The following CRMP1 variants were observed in gnomAD, a reference collection of about 807,000 sequenced individuals.
The protein encoded by CRMP1 is collapsin response mediator protein 1.
CRMP1 carries 19 observed loss-of-function variants against 68.3 expected under a neutral mutation model. The observed-to-expected ratio is 0.28, with a 90% CI of 0.19 to 0.41. CRMP1 has a LOEUF of 0.41. Ranked by LOEUF, CRMP1 falls within the 10% of genes least tolerant of loss-of-function variation. The pLI is 1.00. For synonymous variants in CRMP1, 439 were observed against 399.6 expected (o/e 1.10, Z -1.18); for missense variants, 791 against 967.4 (o/e 0.82, Z 2.42).
In CRMP1 at chr4:5,877,685, CCT is replaced by C. The variant is rs1451583706; in HGVS notation, c.382-10931_382-10930del. ...GGGTAGGGGACAGGGCGGCTTTCCC[CCT>C]TTCATGAATGGGAGATACAGGTAGT... is the stretch of plus-strand genomic sequence containing the variant. On this transcript the variant is annotated intron_variant, in intron 1 of 13. Coordinates refer to ENST00000324989, the MANE Select transcript of CRMP1 (RefSeq NM_001014809.3). This position sits in a 1 kb window ranked among gnomAD's most constrained non-coding sequence, Gnocchi z 4.3. 6.6e-6 allele frequency among the ~76,000 whole-genome samples: 1 copy of C among 152,178 alleles called. No individual in the cohort carries two copies. Among genetic ancestry groups the C allele is most frequent in the Non-Finnish European group, 1.5e-5 (1 of 68,036 alleles).
At position 5,855,668 on chromosome 4, in the gene CRMP1, C is replaced by G. The variant is rs749437522; in HGVS notation, c.820+475G>C. Among the ~76,000 whole-genome samples the G allele has an allele frequency of 2.1e-4, 32 of 152,126 alleles. No homozygotes were observed. Among genetic ancestry groups the G allele is most frequent in the Non-Finnish European group, 4.4e-4 (30 of 68,020 alleles). On this transcript the variant is annotated intron_variant, in intron 4 of 13. Coordinates refer to ENST00000324989, the MANE Select transcript of CRMP1 (RefSeq NM_001014809.3). The surrounding 1 kb of genome is among the most constrained non-coding windows in gnomAD (Gnocchi z 4.9). ...ATGGAAAAAGTGCCCCAAAGGAGGC[C>G]TAAGTAACCGGCATTGGCTATTCAA...
Position 5,849,443 on chromosome 4 carries a change from G to T in CRMP1, c.912C>A (p.Gly304=). The T allele has an allele frequency of 6.2e-7, 1 of 1,613,808 alleles. No individual in the cohort carries two copies. The change falls in exon 6 of 14, where the codon GGC becomes GGA. Residue 304 remains glycine, a synonymous_variant. Coordinates refer to ENST00000324989, the MANE Select transcript of CRMP1 (RefSeq NM_001014809.3). ...CATGGACCAAGATCACAGCTCCCAG[G>T]CCCTTAAGGAAGGTAAAGGCTTCAT... ...QLYEAFTFLK[G]LGAVILVHAE...
At chr4:5,849,812 T>C (rs1332374312) in intron 5 of CRMP1, among the ~76,000 whole-genome samples, 1 of 152,218 alleles carries the variant, frequency 6.6e-6, no homozygotes, top group African/African-American at 2.4e-5. Context: ...TAGGTGTTAA[T>C]GGCAGCAACT....
chr4:5,874,638 G>T (rs929378167), intron 1 of CRMP1, among the ~76,000 whole-genome samples: 3 of 151,970 alleles, frequency 2.0e-5, no homozygotes, highest in Non-Finnish European at 4.4e-5. Context: ...ACAGACAAGA[G>T]GCAAGGAGAG....
chr4:5,826,097 CAGGTAT>C (rs1433430763), intron 12 of CRMP1: 3 of 234,792 alleles, frequency 1.3e-5, no homozygotes, highest in Admixed American at 1.3e-4. Flanking sequence ...CACACTCATA[CAGGTAT>C]ACACACCCAT....
intron 8 of CRMP1, among the ~76,000 whole-genome samples, chr4:5,840,258 C>T (rs1454770120): frequency 6.6e-6 from 1 of 152,210 alleles, no homozygotes; most frequent in Non-Finnish European, 1.5e-5. Flanking sequence ...TTCTGTCAGC[C>T]CAGTGCCGGA....
At chr4:5,830,725 T>C (rs1720311178) in intron 11 of CRMP1, among the ~76,000 whole-genome samples, 1 of 152,246 alleles carries the variant, frequency 6.6e-6, no homozygotes. Context: ...CACGTTTTAA[T>C]AACTGGGATG....
At chr4:5,839,721 T>C (rs1235594815) in intron 8 of CRMP1, 43 bp from the exon 9 acceptor site, 2 of 1,564,306 alleles carry the variant, frequency 1.3e-6, no homozygotes, top group East Asian at 2.3e-5. Context: ...GCAAATACTC[T>C]CTTGAGGCAG....
chr4:5,836,840 C>T lies in CRMP1; in HGVS notation c.1377G>A (p.Lys459=). ...PYSTAQKAVG[K]DNFTLIPEGV... is the part of the protein sequence containing the mutation. ...CCTCGGGGATCAGGGTAAAGTTGTCCTTGCCCACCGCCTTCTGGGCAGTGC... is the reference window on the plus strand; with the variant it reads ...CCTCGGGGATCAGGGTAAAGTTGTCTTTGCCCACCGCCTTCTGGGCAGTGC... The change falls in exon 10 of 14, where the codon AAG becomes AAA. Residue 459 remains lysine, a synonymous_variant. Transcript: ENST00000324989. 6.2e-7 allele frequency: 1 copy of T among 1,614,196 alleles called. No individual in the cohort carries two copies. The highest frequency in any genetic ancestry group is 8.5e-7 in the Non-Finnish European group (1 of 1,180,032).
rs563215359 is a variant in CRMP1 at position 5,890,624 on chromosome 4, G to A, written c.381+1965C>T. ...TCGGAGCCCCGGGAGCGCCAGAGGC[G>A]CTGCCTTTTGTCCGGTGCCTGAGAA... On this transcript the variant is annotated intron_variant, in intron 1 of 13. Coordinates refer to ENST00000324989, the MANE Select transcript of CRMP1 (RefSeq NM_001014809.3). This position sits in a 1 kb window ranked among gnomAD's most constrained non-coding sequence, Gnocchi z 5.5. Among the ~76,000 whole-genome samples the A allele has an allele frequency of 2.6e-5, 4 of 152,234 alleles. No homozygotes were observed. Among genetic ancestry groups the A allele is most frequent in the African/African-American group, 9.6e-5 (4 of 41,476 alleles).
At position 5,888,149 on chromosome 4, in the gene CRMP1, C is replaced by G; in HGVS notation, c.381+4440G>C. ...TCGGGGGGCGCCCCTGCCGGCGCCCCGTGGATCTGGACCCTGCCGGGCGCC... is the reference window on the plus strand; with the variant it reads ...TCGGGGGGCGCCCCTGCCGGCGCCCGGTGGATCTGGACCCTGCCGGGCGCC... On this transcript the variant is annotated intron_variant, in intron 1 of 13. Transcript: ENST00000324989. The surrounding 1 kb of genome is among the most constrained non-coding windows in gnomAD (Gnocchi z 6.4). 8.2e-7 allele frequency: 1 copy of G among 1,226,300 alleles called. No homozygotes were observed. Among genetic ancestry groups the G allele is most frequent in the Non-Finnish European group, 1.0e-6 (1 of 982,852 alleles). 76.0% of individuals were successfully genotyped at this position (1,226,300 alleles called of 1,614,324 possible). A position where few individuals can be genotyped will look rare whatever the true frequency, so the allele number is the denominator to read the frequency against.
chr4:5,824,202 CCTT>C (rs1421079929), intron 13 of CRMP1: 2 of 728,680 alleles, frequency 2.7e-6, no homozygotes, highest in African/African-American at 3.8e-5. Flanking sequence ...TTTGCAAACT[CCTT>C]GAGAGCTTGT....
In CRMP1 at chr4:5,858,255, T is replaced by C. The variant is rs1188045015; in HGVS notation, c.656-1948A>G. On this transcript the variant is annotated intron_variant, in intron 3 of 13. Transcript: ENST00000324989. This position sits in a 1 kb window ranked among gnomAD's most constrained non-coding sequence, Gnocchi z 5.5. The stretch of plus-strand genomic sequence containing the variant: ...CCCTACTGTTCACTATGCTTACTAA[T>C]TGGATCCCTTTTCTTTGTGCCAGCT... Among the ~76,000 whole-genome samples the C allele has an allele frequency of 1.3e-5, 2 of 152,148 alleles. No homozygotes were observed. The highest frequency in any genetic ancestry group is 2.4e-5 in the African/African-American group (1 of 41,432).
At chr4:5,871,482 A>C (rs547378253) in intron 1 of CRMP1, among the ~76,000 whole-genome samples, 16 of 152,106 alleles carry the variant, frequency 1.1e-4, no homozygotes, top group South Asian at 8.3e-4. Flanking sequence ...AACATGGTGA[A>C]ACCCCGTCTG....
rs944820292 is a variant in CRMP1 at position 5,865,006 on chromosome 4, T to G, written c.470+1662A>C. On this transcript the variant is annotated intron_variant, in intron 2 of 13. Coordinates refer to ENST00000324989, the MANE Select transcript of CRMP1 (RefSeq NM_001014809.3). The surrounding 1 kb of genome is among the most constrained non-coding windows in gnomAD (Gnocchi z 4.1). Reference sequence around the variant, plus strand: ...AACTGTTCTGGGTATCCCTCTTCACTGGGTGATTTGCATATGTGGTCCCTT... The same window carrying G: ...AACTGTTCTGGGTATCCCTCTTCACGGGGTGATTTGCATATGTGGTCCCTT... Among the ~76,000 whole-genome samples the G allele has an allele frequency of 1.3e-5, 2 of 152,106 alleles. No individual in the cohort carries two copies. Among genetic ancestry groups the G allele is most frequent in the African/African-American group, 2.4e-5 (1 of 41,412 alleles).
chr4:5,888,492 G>A lies in CRMP1; in HGVS notation c.381+4097C>T. On this transcript the variant is annotated intron_variant, in intron 1 of 13. Coordinates refer to ENST00000324989, the MANE Select transcript of CRMP1 (RefSeq NM_001014809.3). This position sits in a 1 kb window ranked among gnomAD's most constrained non-coding sequence, Gnocchi z 6.4. ...CACCGCCCGGATCGGCGAGGAGGGCGGGAGAAGGAGGAGGGAGAGGCGAGG... is the reference window on the plus strand; with the variant it reads ...CACCGCCCGGATCGGCGAGGAGGGCAGGAGAAGGAGGAGGGAGAGGCGAGG... 8.3e-7 allele frequency: 1 copy of A among 1,204,034 alleles called. No individual in the cohort carries two copies. The highest frequency in any genetic ancestry group is 1.0e-6 in the Non-Finnish European group (1 of 970,350). The allele number at this position is 1,204,034 out of a possible 1,614,324, so 74.6% of individuals were successfully genotyped here.
chr4:5,865,631 A>AT lies in CRMP1; in HGVS notation c.470+1036_470+1037insA, dbSNP rs1273672488. The stretch of plus-strand genomic sequence containing the variant: ...TGAGACTCCGTCTCAAAAAAAAAAA[A>AT]AAAAAAGAAGGCCGCCGCCTACAGA... On this transcript the variant is annotated intron_variant, in intron 2 of 13. Coordinates refer to ENST00000324989, the MANE Select transcript of CRMP1 (RefSeq NM_001014809.3). The surrounding 1 kb of genome is among the most constrained non-coding windows in gnomAD (Gnocchi z 4.1). Among the ~76,000 whole-genome samples, 3 of 151,756 alleles carry AT rather than the reference A, an allele frequency of 2.0e-5. No homozygotes were observed. Among genetic ancestry groups the AT allele is most frequent in the Non-Finnish European group, 4.4e-5 (3 of 67,920 alleles).
intron 9 of CRMP1, 124 bp downstream of exon 9, chr4:5,839,398 G>A: frequency 8.1e-7 from 1 of 1,241,402 alleles, no homozygotes; most frequent in Non-Finnish European, 1.1e-6. Flanking sequence ...AGTCCTTGCA[G>A]AGCACGGGGC....
rs1718389737 is a variant in CRMP1, at chr4:5,820,766, A to G, written c.*994T>C. 6.6e-6 allele frequency: 1 copy of G among 152,146 alleles called. No individual in the cohort carries two copies. The allele number at this position is 152,146 out of a possible 1,614,324, so 9.4% of individuals were successfully genotyped here. A position where few individuals can be genotyped will look rare whatever the true frequency, so the allele number is the denominator to read the frequency against. ...CAATCCAGACACCACCACTGAAATG[A>G]AAGTGCCCTAGTCAGGTCAGTGGGC... On this transcript the variant is annotated 3_prime_UTR_variant, in exon 14 of 14. Transcript: ENST00000324989.
Sources: allele counts gnomAD v4.1 joint callset (sites outside exome capture counted in the v4.1 genomes callset), GRCh38; gene constraint gnomAD v4.1.1; non-coding constraint Gnocchi (gnomAD v3.1); transcripts MANE v1.5; gene names NCBI Gene and HGNC (gene_info 2026-07-23, HGNC 2026-07-21).